Variants in DYNC2H1 observed in about 807,000 individuals in gnomAD.
DYNC2H1 encodes cytoplasmic dynein 2 heavy chain 1.
In DYNC2H1, 410 loss-of-function variants were observed where a neutral mutation model predicts 570.0. That is an observed-to-expected ratio of 0.72 (90% CI 0.66 to 0.78). DYNC2H1 has a LOEUF of 0.78. Ranked by LOEUF, DYNC2H1 falls within the 30% of genes least tolerant of loss-of-function variation. DYNC2H1 has a pLI of 0.00. For synonymous variants in DYNC2H1, 1,688 were observed against 1,677.6 expected (o/e 1.01, Z -0.15); for missense variants, 4,865 against 5,046.4 (o/e 0.96, Z 1.09).
intron 83 of DYNC2H1, among the ~76,000 whole-genome samples, chr11:103,378,234 G>A (rs2671383): frequency 0.33 from 49,913 of 151,904 alleles, 9,973 homozygotes; most frequent in Non-Finnish European, 0.44. Flanking sequence ...TTTCACACAG[G>A]CAACAGAGTA....
intron 84 of DYNC2H1, among the ~76,000 whole-genome samples, chr11:103,416,322 GAAAA>G (rs1446398518): frequency 6.7e-6 from 1 of 150,160 alleles, no homozygotes; most frequent in Admixed American, 6.7e-5. Flanking sequence ...TAATAAAAAA[GAAAA>G]AACTACTTTT....
At position 103,324,022 on chromosome 11, in the gene DYNC2H1, A is replaced by G; in HGVS notation, c.12039+32A>G. ...TAAAAAAAAGATCTACCTTCAAAAAAAGTTGCTAGTGAGCCTGAAGGAGAC... is the reference window on the plus strand; with the variant it reads ...TAAAAAAAAGATCTACCTTCAAAAAGAGTTGCTAGTGAGCCTGAAGGAGAC... On this transcript the variant is annotated intron_variant, in intron 82 of 88. Transcript: ENST00000375735. The surrounding 1 kb of genome is among the most constrained non-coding windows in gnomAD (Gnocchi z 5.2). 6.4e-7 allele frequency: 1 copy of G among 1,554,024 alleles called. No individual in the cohort carries two copies.
Position 103,157,142 on chromosome 11 carries a change from G to A in DYNC2H1, c.4127+372G>A, listed in dbSNP as rs555141659. On this transcript the variant is annotated intron_variant, in intron 26 of 88. Transcript: ENST00000375735. The surrounding 1 kb of genome is among the most constrained non-coding windows in gnomAD (Gnocchi z 4.2). Reference sequence around the variant, plus strand: ...CTCTTCCATTGGCTTCTGTGATTTCGTCCTCTCTTGGTTTTCTGACTGTCT... The same window carrying A: ...CTCTTCCATTGGCTTCTGTGATTTCATCCTCTCTTGGTTTTCTGACTGTCT... Among the ~76,000 whole-genome samples, 81 of 151,864 alleles carry A rather than the reference G, an allele frequency of 5.3e-4. No individual in the cohort carries two copies. Among genetic ancestry groups the A allele is most frequent in the African/African-American group, 1.9e-3 (77 of 41,418 alleles).
At chr11:103,397,013 G>T (rs925478614) in intron 83 of DYNC2H1, among the ~76,000 whole-genome samples, 2 of 152,132 alleles carry the variant, frequency 1.3e-5, no homozygotes, top group Non-Finnish European at 1.5e-5. Flanking sequence ...TACCTAAATA[G>T]TGCACATTGT....
chr11:103,251,037 A>G (rs924432225), intron 65 of DYNC2H1, among the ~76,000 whole-genome samples: 3 of 152,064 alleles, frequency 2.0e-5, no homozygotes, highest in Admixed American at 6.6e-5. Context: ...GTACAGGTTA[A>G]TTAATAGTGT....
Position 103,241,586 on chromosome 11 carries a change from A to G in DYNC2H1, c.9820-2107A>G, listed in dbSNP as rs1864423722. ...AAAAATTTAAAATAATTACTTTTGT[A>G]GTTAGGCAAAATGCAGAATTGTGAA... On this transcript the variant is annotated intron_variant, in intron 63 of 88. Transcript: ENST00000375735. This position sits in a 1 kb window ranked among gnomAD's most constrained non-coding sequence, Gnocchi z 5.1. 1.3e-6 allele frequency: 2 copies of G among 1,507,792 alleles called. No homozygotes were observed. Among genetic ancestry groups the G allele is most frequent in the Non-Finnish European group, 1.8e-6 (2 of 1,101,128 alleles). 93.4% of individuals were successfully genotyped at this position (1,507,792 alleles called of 1,614,324 possible). A position where few individuals can be genotyped will look rare whatever the true frequency, so the allele number is the denominator to read the frequency against.
chr11:103,409,595 T>C (rs1942999465), intron 84 of DYNC2H1: 1 of 152,588 alleles, frequency 6.6e-6, no homozygotes, highest in South Asian at 2.1e-4. Context: ...ACGGCTAGGC[T>C]TGATGTGGCT....
In DYNC2H1 at chr11:103,235,806, T is replaced by C. The variant is rs1864196437; in HGVS notation, c.9702T>C (p.Gly3234=). ...TGGAAGAATGGACCAAGTCAGCTGGTCTTGAGAGTTTGTATTTAGTTATTC... is the reference window on the plus strand; with the variant it reads ...TGGAAGAATGGACCAAGTCAGCTGGCCTTGAGAGTTTGTATTTAGTTATTC... ...TCLEEWTKSA[G]LEKFDLRRFL... Residue 3234 remains glycine (G), a synonymous_variant, in exon 62 of 89, where the codon GGT becomes GGC. Transcript: ENST00000375735. 14 of 1,610,940 alleles carry C rather than the reference T, an allele frequency of 8.7e-6. No individual in the cohort carries two copies. The highest frequency in any genetic ancestry group is 2.7e-5 in the African/African-American group (2 of 74,810).
rs1230957423 is a variant in DYNC2H1, at chr11:103,121,373, T to C, written c.1362T>C (p.Asp454=). The change falls in exon 10 of 89, where the codon GAT becomes GAC. Residue 454 remains aspartate (D), a splice_region_variant and synonymous_variant. Coordinates refer to ENST00000375735, the MANE Select transcript of DYNC2H1 (RefSeq NM_001377.3). The part of the protein sequence containing the change: ...LLARLVDSIK[D]FRLDFENRCR... ...ATTTATTTGATTTAAATTTTATAGA[T>C]TTTCGATTAGACTTTGAGAATCGGT... The C allele has an allele frequency of 6.9e-6, 11 of 1,594,878 alleles. No individual in the cohort carries two copies. The highest frequency in any genetic ancestry group is 9.4e-6 in the Non-Finnish European group (11 of 1,172,816).
Position 103,255,404 on chromosome 11 carries a change from G to C in DYNC2H1, c.10207-11G>C, listed in dbSNP as rs1865015073. The C allele has an allele frequency of 6.5e-7, 1 of 1,544,148 alleles. No homozygotes were observed. Among genetic ancestry groups the C allele is most frequent in the African/African-American group, 1.4e-5 (1 of 72,508 alleles). On this transcript the variant is annotated splice_polypyrimidine_tract_variant and intron_variant, in intron 66 of 88. Transcript: ENST00000375735. Reference sequence around the variant, plus strand: ...ATTGCTAGAATTACCTTGTCTTTTTGTTATCCCAAGCTTTTAGCTTTAACC... The same window carrying C: ...ATTGCTAGAATTACCTTGTCTTTTTCTTATCCCAAGCTTTTAGCTTTAACC...
chr11:103,414,449 T>A (rs1176223523), intron 84 of DYNC2H1, among the ~76,000 whole-genome samples: 2 of 151,970 alleles, frequency 1.3e-5, no homozygotes, highest in African/African-American at 4.8e-5. Context: ...TGAAACCCTG[T>A]CTCTACTAAA....
intron 85 of DYNC2H1, among the ~76,000 whole-genome samples, chr11:103,447,240 G>A (rs530842870): frequency 5.8e-4 from 89 of 152,172 alleles, no homozygotes; most frequent in African/African-American, 2.0e-3. Flanking sequence ...CCAAATCTAT[G>A]GATGGAAACT....
At position 103,129,268 on chromosome 11, in the gene DYNC2H1, T is replaced by A. The variant is rs1859146868; in HGVS notation, c.1953+263T>A. ...ATGATTTGTATGATGTTATGTTCAT[T>A]TATCCTCTGAAGTTTGAGGTCCTTA... On this transcript the variant is annotated intron_variant, in intron 13 of 88. Coordinates refer to ENST00000375735, the MANE Select transcript of DYNC2H1 (RefSeq NM_001377.3). The surrounding 1 kb of genome is among the most constrained non-coding windows in gnomAD (Gnocchi z 4.1). 6.6e-6 allele frequency among the ~76,000 whole-genome samples: 1 copy of A among 152,222 alleles called. No homozygotes were observed. The highest frequency in any genetic ancestry group is 2.4e-5 in the African/African-American group (1 of 41,458).
chr11:103,397,560 A>T (rs1430881476), intron 83 of DYNC2H1, among the ~76,000 whole-genome samples: 1 of 152,200 alleles, frequency 6.6e-6, no homozygotes, highest in Non-Finnish European at 1.5e-5. Context: ...GAATTGAGTT[A>T]GTTTCAGCTT....
rs1278172127 is a variant in DYNC2H1 at position 103,264,125 on chromosome 11, G to T, written c.10695+4148G>T. 2.0e-5 allele frequency among the ~76,000 whole-genome samples: 3 copies of T among 152,060 alleles called. No homozygotes were observed. Among genetic ancestry groups the T allele is most frequent in the Admixed American group, 6.6e-5 (1 of 15,258 alleles). On this transcript the variant is annotated intron_variant, in intron 70 of 88. Transcript: ENST00000375735. The surrounding 1 kb of genome is among the most constrained non-coding windows in gnomAD (Gnocchi z 4.8). ...TCTAGAAGAAATGGATAAATTCCTG[G>T]ACACATACACCCTCCCAAGACTAAA...
At chr11:103,321,376 G>T in intron 81 of DYNC2H1, 139 bp downstream of exon 81, 1 of 962,782 alleles carries the variant, frequency 1.0e-6, no homozygotes, top group Non-Finnish European at 1.6e-6. Context: ...ACAATATATG[G>T]CTTGATTCTT....
intron 84 of DYNC2H1, among the ~76,000 whole-genome samples, chr11:103,427,643 A>G (rs1658260476): frequency 6.6e-6 from 1 of 152,064 alleles, no homozygotes; most frequent in Non-Finnish European, 1.5e-5. Context: ...ACAGATAGCC[A>G]TCTTTTCCTT....
chr11:103,216,018 A>G (rs1033542868), intron 55 of DYNC2H1, 160 bp downstream of exon 55: 22 of 869,744 alleles, frequency 2.5e-5, no homozygotes, highest in Non-Finnish European at 3.4e-5. Context: ...GTGGAAGGGC[A>G]TGGTATTTTC....
chr11:103,128,280 G>A (rs1042710082), intron 12 of DYNC2H1, among the ~76,000 whole-genome samples: 12 of 152,282 alleles, frequency 7.9e-5, no homozygotes, highest in African/African-American at 2.9e-4. Flanking sequence ...TTTAAAGAAG[G>A]CCACTCTGGC....
Sources: allele counts gnomAD v4.1 joint callset (sites outside exome capture counted in the v4.1 genomes callset), GRCh38; gene constraint gnomAD v4.1.1; non-coding constraint Gnocchi (gnomAD v3.1); transcripts MANE v1.5; gene names NCBI Gene and HGNC (gene_info 2026-07-23, HGNC 2026-07-21).